Variants in FAM228B observed in about 807,000 individuals in gnomAD.
FAM228B encodes the protein family with sequence similarity 228 member B.
In FAM228B, 38 loss-of-function variants were observed where a neutral mutation model predicts 42.6. The ratio of observed to expected loss-of-function variants is 0.89; its 90% CI spans 0.69 to 1.17. The LOEUF (loss-of-function observed/expected upper bound fraction) is 1.17, where lower values mean the gene tolerates loss of function less well. Ranked by LOEUF, FAM228B falls within the 50% of genes most tolerant of loss-of-function variation. The pLI is 0.00. For synonymous variants in FAM228B, 109 were observed against 122.3 expected, an observed-to-expected ratio of 0.89 and a Z score of 0.72; for missense variants, 344 against 367.3, an observed-to-expected ratio of 0.94 and a Z score of 0.52.
Position 24,148,517 on chromosome 2 carries a change from A to G in FAM228B, c.686+1431A>G, listed in dbSNP as rs149676191. Reference sequence around the variant, plus strand: ...ATGGCAGTGTCCTGTCTGTCTTCCAACGACAGCAAGATTTCTGCTTAGTAT... The same window carrying G: ...ATGGCAGTGTCCTGTCTGTCTTCCAGCGACAGCAAGATTTCTGCTTAGTAT... On this transcript the variant is annotated intron_variant, in intron 7 of 10. Coordinates refer to ENST00000615575, the MANE Select transcript of FAM228B (RefSeq NM_001145710.2). 1.5e-4 allele frequency among the ~76,000 whole-genome samples: 23 copies of G among 152,184 alleles called. 1 individual carries two copies. Among genetic ancestry groups the G allele is most frequent in the East Asian group, 9.7e-4 (5 of 5,170 alleles).
At chr2:24,098,189 C>A (rs1665539968) in intron 3 of FAM228B, among the ~76,000 whole-genome samples, 3 of 152,100 alleles carry the variant, frequency 2.0e-5, no homozygotes, top group Admixed American at 2.0e-4. Flanking sequence ...CAGGAAAGAT[C>A]TAAAATTGAC....
intron 5 of FAM228B, among the ~76,000 whole-genome samples, chr2:24,145,884 T>A (rs1174443018): frequency 1.3e-5 from 2 of 151,938 alleles, no homozygotes; most frequent in Non-Finnish European, 2.9e-5. Context: ...AAAGACGGGG[T>A]TTCACCATGT....
chr2:24,133,935 T>G (rs950526285), intron 2 of FAM228B, among the ~76,000 whole-genome samples: 1 of 152,182 alleles, frequency 6.6e-6, no homozygotes, highest in Non-Finnish European at 1.5e-5. Flanking sequence ...AAAAATAAAA[T>G]TTATTAATAT....
intron 7 of FAM228B, among the ~76,000 whole-genome samples, chr2:24,151,859 T>C (rs11125456): frequency 0.58 from 88,107 of 151,622 alleles, 26,304 homozygotes; most frequent in East Asian, 0.75. Flanking sequence ...AATTTTTGTA[T>C]TTTTATTTTT....
intron 2 of FAM228B, among the ~76,000 whole-genome samples, chr2:24,130,895 A>G (rs1009898944): frequency 1.3e-5 from 2 of 152,024 alleles, no homozygotes; most frequent in African/African-American, 2.4e-5. Context: ...GTTATTGCCT[A>G]TGTTTTCTTC....
chr2:24,084,129 T>G lies in FAM228B; in HGVS notation c.-210+3174T>G. On this transcript the variant is annotated intron_variant, in intron 2 of 10. Coordinates refer to the FAM228B transcript ENST00000613899. The surrounding 1 kb of genome is among the most constrained non-coding windows in gnomAD (Gnocchi z 8.4). ...TCACGTCTGGTCAATGTCCACTGAG[T>G]GCTGTTGAGAGGGAGGCTCTGGAGT... is the stretch of plus-strand genomic sequence containing the variant. 6.4e-7 allele frequency: 1 copy of G among 1,557,038 alleles called. No homozygotes were observed. The highest frequency in any genetic ancestry group is 8.6e-7 in the Non-Finnish European group (1 of 1,156,500).
intron 2 of FAM228B, among the ~76,000 whole-genome samples, chr2:24,133,572 A>C (rs1403274853): frequency 6.6e-6 from 1 of 152,198 alleles, no homozygotes; most frequent in Non-Finnish European, 1.5e-5. Context: ...TTACATGAGG[A>C]TCTCAAAGGC....
At position 24,169,329 on chromosome 2, in the gene FAM228B, A is replaced by G; in HGVS notation, c.*15-27A>G. 2.2e-6 allele frequency: 1 copy of G among 464,938 alleles called. No individual in the cohort carries two copies. Among genetic ancestry groups the G allele is most frequent in the Non-Finnish European group, 4.5e-6 (1 of 222,474 alleles). The allele number at this position is 464,938 out of a possible 1,614,324, so 28.8% of individuals were successfully genotyped here. Reference sequence around the variant, plus strand: ...GCCCCTCATCCCCATACCACACTCAACTCTTCCCTTTTGTCACCTTCAAAA... The same window carrying G: ...GCCCCTCATCCCCATACCACACTCAGCTCTTCCCTTTTGTCACCTTCAAAA... On this transcript the variant is annotated intron_variant, in intron 10 of 10. Coordinates refer to ENST00000615575, the MANE Select transcript of FAM228B (RefSeq NM_001145710.2). The surrounding 1 kb of genome is among the most constrained non-coding windows in gnomAD (Gnocchi z 4.2).
chr2:24,151,689 A>AT (rs1032097881), intron 7 of FAM228B, among the ~76,000 whole-genome samples: 28 of 137,760 alleles, frequency 2.0e-4, no homozygotes, highest in Admixed American at 5.8e-4. Flanking sequence ...GCCCAAGACA[A>AT]TTTTTTTTTT....
At chr2:24,123,966 C>T (rs1666225661) in intron 1 of FAM228B, among the ~76,000 whole-genome samples, 1 of 152,202 alleles carries the variant, frequency 6.6e-6, no homozygotes. Flanking sequence ...GCCTGTGTTT[C>T]TGTGGCCAGA....
chr2:24,120,158 A>G (rs1666057760), upstream of FAM228B, among the ~76,000 whole-genome samples: 1 of 151,994 alleles, frequency 6.6e-6, no homozygotes, highest in Admixed American at 6.6e-5. Flanking sequence ...AACCCCAGCT[A>G]CTCGGTAAGC....
intron 7 of FAM228B, among the ~76,000 whole-genome samples, chr2:24,153,281 CCA>C (rs530928443): frequency 6.0e-4 from 92 of 152,304 alleles, no homozygotes; most frequent in Non-Finnish European, 1.1e-3. Flanking sequence ...ACCATAGCCA[CCA>C]CAGCTAGGAA....
At chr2:24,166,496 G>GTGCTTGCT (rs35771225) in intron 9 of FAM228B, 1 of 151,650 alleles carries the variant, frequency 6.6e-6, no homozygotes, top group Non-Finnish European at 1.5e-5. Flanking sequence ...ATCCTCCCAT[G>GTGCTTGCT]TGCTTGCTTG....
At chr2:24,167,186 A>G (rs1229760438) in intron 9 of FAM228B, among the ~76,000 whole-genome samples, 2 of 152,218 alleles carry the variant, frequency 1.3e-5, no homozygotes, top group Non-Finnish European at 2.9e-5. Flanking sequence ...GTTCCAGGCC[A>G]GGTGAGAGCG....
At chr2:24,150,035 T>G (rs941224930) in intron 7 of FAM228B, among the ~76,000 whole-genome samples, 1 of 152,190 alleles carries the variant, frequency 6.6e-6, no homozygotes, top group African/African-American at 2.4e-5. Flanking sequence ...GTTGTTCCTC[T>G]TTGTGTCTTA....
intron 2 of FAM228B, among the ~76,000 whole-genome samples, chr2:24,088,661 T>A (rs2150990504): frequency 6.6e-6 from 1 of 152,352 alleles, no homozygotes; most frequent in East Asian, 1.9e-4. Flanking sequence ...TATAATATTC[T>A]TTATCATAAA....
chr2:24,120,268 CAA>C (rs58841450), upstream of FAM228B, among the ~76,000 whole-genome samples: 12 of 118,272 alleles, frequency 1.0e-4, no homozygotes, highest in South Asian at 9.6e-4. Flanking sequence ...AAACTCGTCT[CAA>C]AAAAAAAAAC....
intron 7 of FAM228B, among the ~76,000 whole-genome samples, chr2:24,151,372 C>A (rs1198026978): frequency 6.6e-6 from 1 of 151,496 alleles, no homozygotes; most frequent in East Asian, 1.9e-4. Flanking sequence ...CTCACTGCAA[C>A]CTCTGCCTCT....
intron 7 of FAM228B, among the ~76,000 whole-genome samples, chr2:24,155,108 A>G (rs115008414): frequency 0.019 from 2,850 of 152,276 alleles, 40 homozygotes; most frequent in Non-Finnish European, 0.03. Flanking sequence ...GTATATTAAG[A>G]TGATGATATT....
Sources: allele counts gnomAD v4.1 joint callset (sites outside exome capture counted in the v4.1 genomes callset), GRCh38; gene constraint gnomAD v4.1.1; non-coding constraint Gnocchi (gnomAD v3.1); transcripts MANE v1.5; gene names NCBI Gene and HGNC (gene_info 2026-07-23, HGNC 2026-07-21).